Variants in KCNQ5 observed in about 807,000 individuals in gnomAD.
KCNQ5 encodes potassium voltage-gated channel subfamily KQT member 5.
In KCNQ5, 30 loss-of-function variants were observed where a neutral mutation model predicts 98.2. The ratio of observed to expected loss-of-function variants is 0.31; its 90% CI spans 0.23 to 0.41. The LOEUF (loss-of-function observed/expected upper bound fraction) is 0.41. Ranked by LOEUF, KCNQ5 falls within the 10% of genes least tolerant of loss-of-function variation. The pLI, the probability that KCNQ5 is intolerant of heterozygous loss-of-function variation, is 1.00. For synonymous variants in KCNQ5, 458 were observed against 449.4 expected (o/e 1.02, Z -0.24); for missense variants, 835 against 1,182.5 (o/e 0.71, Z 4.31).
chr6:72,972,675 A>T (rs569943569), intron 1 of KCNQ5, among the ~76,000 whole-genome samples: 1 of 152,200 alleles, frequency 6.6e-6, no homozygotes, highest in Admixed American at 6.5e-5. Context: ...ACATGATCTC[A>T]TTCCTTTTTA....
intron 1 of KCNQ5, among the ~76,000 whole-genome samples, chr6:72,644,780 C>T (rs752150317): frequency 1.5e-4 from 23 of 152,104 alleles, no homozygotes; most frequent in Non-Finnish European, 2.6e-4. Context: ...TTCTCTGTCT[C>T]CTCCTTTTCT....
intron 1 of KCNQ5, among the ~76,000 whole-genome samples, chr6:72,698,800 A>G (rs1294207042): frequency 6.6e-6 from 1 of 150,518 alleles, no homozygotes; most frequent in African/African-American, 2.5e-5. Flanking sequence ...GACTGCAGGC[A>G]TGCACTTCCA....
intron 10 of KCNQ5, among the ~76,000 whole-genome samples, chr6:73,167,326 C>T (rs1449965533): frequency 6.6e-6 from 1 of 152,216 alleles, no homozygotes; most frequent in East Asian, 1.9e-4. Flanking sequence ...GTGTAGTGAG[C>T]TCTTTGCCCT....
chr6:73,078,838 A>G (rs1773643222), intron 5 of KCNQ5, among the ~76,000 whole-genome samples: 1 of 152,254 alleles, frequency 6.6e-6, no homozygotes, highest in African/African-American at 2.4e-5. Flanking sequence ...AACAACGCAT[A>G]GTTTTCCACT....
intron 1 of KCNQ5, among the ~76,000 whole-genome samples, chr6:72,941,570 CCTCCT>C (rs1480390969): frequency 1.2e-4 from 14 of 112,734 alleles, no homozygotes; most frequent in East Asian, 5.6e-4. Flanking sequence ...CTCCTTCCTT[CCTCCT>C]TCCCTCCCTC....
rs554841070 is a variant in KCNQ5, at chr6:72,952,462, T to C, written c.399-51446T>C. Among the ~76,000 whole-genome samples the C allele has an allele frequency of 2.5e-4, 38 of 152,284 alleles. No individual in the cohort carries two copies. In the South Asian group the frequency reaches 7.1e-3, roughly 28 times the overall value. On this transcript the variant is annotated intron_variant, in intron 1 of 13. Transcript: ENST00000370398. ...ATAAACATAGCTCATAACTTCTCCT[T>C]CTAGACCACAGTAGTCTAGAATCTG...
At chr6:72,623,353 C>T (rs1446926360) in intron 1 of KCNQ5, among the ~76,000 whole-genome samples, 1 of 147,480 alleles carries the variant, frequency 6.8e-6, no homozygotes, top group Non-Finnish European at 1.5e-5. Context: ...AGAGATCGGG[C>T]AGTGGGTTAA....
intron 1 of KCNQ5, among the ~76,000 whole-genome samples, chr6:72,751,268 G>A (rs1360873952): frequency 6.6e-6 from 1 of 151,474 alleles, no homozygotes; most frequent in Non-Finnish European, 1.5e-5. Context: ...AGAAAGTACA[G>A]GATGAATTTA....
chr6:72,728,140 A>G (rs1770381668), intron 1 of KCNQ5, among the ~76,000 whole-genome samples: 1 of 152,222 alleles, frequency 6.6e-6, no homozygotes, highest in African/African-American at 2.4e-5. Context: ...AAAGTCATAT[A>G]ACATATGGTA....
rs117772155 is a variant in KCNQ5, at chr6:72,664,331, A to G, written c.398+41744A>G. Among the ~76,000 whole-genome samples the G allele has an allele frequency of 5.1e-4, 78 of 152,294 alleles. 1 individual carries two copies. The East Asian group carries it at 0.014, about 27-fold the overall frequency. On this transcript the variant is annotated intron_variant, in intron 1 of 13. Coordinates refer to ENST00000370398, the MANE Select transcript of KCNQ5 (RefSeq NM_019842.4). ...AATGTATTCTAACAACACAGTTTGT[A>G]TTAATGAAATATAATTTTAGTAAAT... is the stretch of plus-strand genomic sequence containing the variant.
chr6:73,126,631 C>G (rs1323485531), intron 9 of KCNQ5, among the ~76,000 whole-genome samples: 1 of 152,084 alleles, frequency 6.6e-6, no homozygotes, highest in African/African-American at 2.4e-5. Flanking sequence ...TAAATATGTA[C>G]AAAACCACTG....
intron 1 of KCNQ5, among the ~76,000 whole-genome samples, chr6:73,000,232 T>A (rs1021294381): frequency 1.3e-5 from 2 of 152,170 alleles, no homozygotes; most frequent in African/African-American, 4.8e-5. Context: ...CTGAACACTG[T>A]CACCTTACGG....
At chr6:72,956,345 A>T (rs1164825972) in intron 1 of KCNQ5, among the ~76,000 whole-genome samples, 1 of 152,154 alleles carries the variant, frequency 6.6e-6, no homozygotes, top group South Asian at 2.1e-4. Flanking sequence ...TCAGTGTCTA[A>T]CCTTCCCTCG....
chr6:72,690,270 T>C (rs922212938), intron 1 of KCNQ5, among the ~76,000 whole-genome samples: 2 of 152,160 alleles, frequency 1.3e-5, no homozygotes, highest in Non-Finnish European at 2.9e-5. Context: ...GAAAACATGC[T>C]GTTTCCACAG....
chr6:72,948,035 C>T (rs1766628600), intron 1 of KCNQ5, among the ~76,000 whole-genome samples: 1 of 151,960 alleles, frequency 6.6e-6, no homozygotes, highest in South Asian at 2.1e-4. Context: ...CTGAAGTTTT[C>T]CAGAACAACA....
chr6:72,873,952 A>C (rs908049479), intron 1 of KCNQ5, among the ~76,000 whole-genome samples: 1 of 151,982 alleles, frequency 6.6e-6, no homozygotes, highest in Non-Finnish European at 1.5e-5. Flanking sequence ...ACACTCAGTG[A>C]TATATAAACT....
rs985780169 is a variant in KCNQ5 at position 72,983,570 on chromosome 6, A to T, written c.399-20338A>T. Among the ~76,000 whole-genome samples the T allele has an allele frequency of 1.2e-4, 19 of 152,010 alleles. 1 individual carries two copies. Among genetic ancestry groups the T allele is most frequent in the African/African-American group, 3.4e-4 (14 of 41,384 alleles). On this transcript the variant is annotated intron_variant, in intron 1 of 13. Coordinates refer to ENST00000370398, the MANE Select transcript of KCNQ5 (RefSeq NM_019842.4). The stretch of plus-strand genomic sequence containing the variant: ...CACTGTTTATTCTAGTTAACCATTC[A>T]TCTAATCTTTTTTCAAGGTTTTTAG...
chr6:73,029,698 C>T (rs544517929), intron 2 of KCNQ5, among the ~76,000 whole-genome samples: 84 of 151,808 alleles, frequency 5.5e-4, no homozygotes, highest in African/African-American at 2.0e-3. Flanking sequence ...CTTTGGGAGG[C>T]CGAGGCAGGT....
intron 1 of KCNQ5, among the ~76,000 whole-genome samples, chr6:72,803,716 C>A (rs1483058474): frequency 1.3e-5 from 2 of 152,146 alleles, no homozygotes; most frequent in African/African-American, 2.4e-5. Flanking sequence ...CTGTCAGATA[C>A]TTTTTAGTTC....
Sources: allele counts gnomAD v4.1 joint callset (sites outside exome capture counted in the v4.1 genomes callset), GRCh38; gene constraint gnomAD v4.1.1; transcripts MANE v1.5; gene names NCBI Gene and HGNC (gene_info 2026-07-23, HGNC 2026-07-21).